Variants in ADGRG7 observed in about 807,000 individuals in gnomAD.
The protein encoded by ADGRG7 is adhesion G protein-coupled receptor G7, also known as G-protein coupled receptor 128.
A neutral mutation model predicts 88.6 loss-of-function variants in ADGRG7; 82 were observed. The ratio of observed to expected loss-of-function variants is 0.93; its 90% CI spans 0.77 to 1.11. ADGRG7 has a LOEUF of 1.11. Ranked by LOEUF, ADGRG7 falls within the 50% of genes most tolerant of loss-of-function variation. The pLI is 0.00. For missense variants in ADGRG7, 945 were observed against 953.4 expected (o/e 0.99, Z 0.12); for synonymous variants, 381 against 345.2 (o/e 1.10, Z -1.15).
At chr3:100,668,861 A>C in intron 14 of ADGRG7, 88 bp from the exon 15 acceptor site, 1 of 889,926 alleles carries the variant, frequency 1.1e-6, no homozygotes, top group African/African-American at 1.7e-5. Context: ...GGGCAGCTGA[A>C]TATACATTCT....
At position 100,677,610 on chromosome 3, in the gene ADGRG7, G is replaced by T. The variant is rs79186411; in HGVS notation, c.2136+8505G>T. Among the ~76,000 whole-genome samples the T allele has an allele frequency of 2.5e-3, 380 of 152,144 alleles. 3 individuals carry two copies. Among genetic ancestry groups the T allele is most frequent in the African/African-American group, 8.8e-3 (367 of 41,524 alleles). On this transcript the variant is annotated intron_variant, in intron 15 of 15. Transcript: ENST00000273352. ...TTAGCATTTCTTGTAGGTCAGGGCT[G>T]GTGTTGATGAAATCCCTCAGTTTTT... is the stretch of plus-strand genomic sequence containing the variant.
At chr3:100,689,516 T>C (rs1576341923) in intron 15 of ADGRG7, among the ~76,000 whole-genome samples, 1 of 152,212 alleles carries the variant, frequency 6.6e-6, no homozygotes, top group Non-Finnish European at 1.5e-5. Flanking sequence ...CTGGTACCGG[T>C]TATTCCTTTC....
chr3:100,615,248 G>T (rs1707207836), intron 1 of ADGRG7, among the ~76,000 whole-genome samples: 1 of 152,192 alleles, frequency 6.6e-6, no homozygotes, highest in Non-Finnish European at 1.5e-5. Context: ...TTTTTTTCAA[G>T]ATCATAATTC....
intron 6 of ADGRG7, among the ~76,000 whole-genome samples, chr3:100,640,727 G>A (rs572096267): frequency 6.6e-6 from 1 of 152,068 alleles, no homozygotes; most frequent in Non-Finnish European, 1.5e-5. Flanking sequence ...TCACCATGTT[G>A]ATCAGGCTAA....
At chr3:100,644,208 A>G (rs1467418304) in intron 8 of ADGRG7, among the ~76,000 whole-genome samples, 1 of 152,122 alleles carries the variant, frequency 6.6e-6, no homozygotes, top group Non-Finnish European at 1.5e-5. Flanking sequence ...TAAGTAAATC[A>G]AACAGACACA....
intron 2 of ADGRG7, among the ~76,000 whole-genome samples, chr3:100,630,371 A>T (rs1707443859): frequency 6.6e-6 from 1 of 152,122 alleles, no homozygotes; most frequent in African/African-American, 2.4e-5. Flanking sequence ...CTTTGCCCAC[A>T]TCCTCATGGT....
intron 15 of ADGRG7, among the ~76,000 whole-genome samples, chr3:100,680,369 A>G (rs1192489637): frequency 1.3e-5 from 2 of 152,156 alleles, no homozygotes. Context: ...AGTGTGTATC[A>G]TGTAGACAGC....
intron 15 of ADGRG7, among the ~76,000 whole-genome samples, chr3:100,689,664 G>T (rs1386039061): frequency 6.6e-6 from 1 of 152,142 alleles, no homozygotes; most frequent in African/African-American, 2.4e-5. Flanking sequence ...GAAATTCTGG[G>T]TTGAAAATTC....
At chr3:100,691,070 C>T (rs1576342759) in intron 15 of ADGRG7, among the ~76,000 whole-genome samples, 1 of 152,236 alleles carries the variant, frequency 6.6e-6, no homozygotes. Context: ...ATGGCGGGCG[C>T]CCCTCCCTCA....
intron 8 of ADGRG7, among the ~76,000 whole-genome samples, chr3:100,645,444 A>T (rs1231749087): frequency 6.6e-6 from 1 of 152,186 alleles, no homozygotes; most frequent in Admixed American, 6.5e-5. Flanking sequence ...AAGTGACTTG[A>T]GCTCCTTGCT....
At chr3:100,618,867 T>C (rs1707265348) in intron 1 of ADGRG7, among the ~76,000 whole-genome samples, 1 of 152,202 alleles carries the variant, frequency 6.6e-6, no homozygotes, top group African/African-American at 2.4e-5. Context: ...TGTTCTTCCA[T>C]TTGTTTGTAT....
chr3:100,637,446 G>C (rs770489733), intron 6 of ADGRG7, 44 bp downstream of exon 6: 18 of 1,327,722 alleles, frequency 1.4e-5, no homozygotes, highest in Non-Finnish European at 1.7e-5. Flanking sequence ...ACTAAGGGCT[G>C]TTTACTTTCC....
intron 1 of ADGRG7, among the ~76,000 whole-genome samples, chr3:100,622,413 A>T (rs1576313068): frequency 6.6e-6 from 1 of 151,688 alleles, no homozygotes; most frequent in African/African-American, 2.4e-5. Context: ...TGGAGTCTCT[A>T]TTCTATTCTA....
chr3:100,669,323 A>G (rs1398892522), intron 15 of ADGRG7, among the ~76,000 whole-genome samples: 1 of 151,562 alleles, frequency 6.6e-6, no homozygotes, highest in African/African-American at 2.4e-5. Context: ...CATCTCTACT[A>G]AAAAAAATAC....
chr3:100,633,885 C>A lies in ADGRG7; in HGVS notation c.447+508C>A, dbSNP rs146562779. On this transcript the variant is annotated intron_variant, in intron 4 of 15. Coordinates refer to ENST00000273352, the MANE Select transcript of ADGRG7 (RefSeq NM_032787.3). ...TTGTGAAAAAGGACTGTTGTTTCAT[C>A]AAATTTCAGCAAATGATGATCAATA... is the stretch of plus-strand genomic sequence containing the variant. 5.6e-4 allele frequency among the ~76,000 whole-genome samples: 85 copies of A among 152,234 alleles called. 1 individual carries two copies. In the East Asian group the frequency reaches 0.015, roughly 27 times the overall value.
At chr3:100,671,250 G>T (rs1448514474) in intron 15 of ADGRG7, among the ~76,000 whole-genome samples, 1 of 152,172 alleles carries the variant, frequency 6.6e-6, no homozygotes, top group Non-Finnish European at 1.5e-5. Context: ...ATTCTAATTG[G>T]TGTGAGATGG....
intron 1 of ADGRG7, among the ~76,000 whole-genome samples, chr3:100,618,155 A>G (rs144041785): frequency 0.016 from 2,496 of 152,124 alleles, 69 homozygotes; most frequent in African/African-American, 0.057. Flanking sequence ...ATTTTCTCCC[A>G]TTCTGTAGGT....
At chr3:100,623,754 T>C (rs951748000) in intron 1 of ADGRG7, among the ~76,000 whole-genome samples, 7 of 152,116 alleles carry the variant, frequency 4.6e-5, no homozygotes, top group Non-Finnish European at 5.9e-5. Context: ...CCTGTGTTCA[T>C]GTGTTCTCAT....
At chr3:100,659,566 C>A in intron 13 of ADGRG7, 122 bp from the exon 14 acceptor site, 2 of 749,224 alleles carry the variant, frequency 2.7e-6, no homozygotes, top group Non-Finnish European at 4.2e-6. Flanking sequence ...GTGTAAAATG[C>A]AGAGGGATGT....
Sources: allele counts gnomAD v4.1 joint callset (sites outside exome capture counted in the v4.1 genomes callset), GRCh38; gene constraint gnomAD v4.1.1; transcripts MANE v1.5; gene names NCBI Gene and HGNC (gene_info 2026-07-23, HGNC 2026-07-21).